POGLUT3: variants seen among roughly 807,000 people sequenced by gnomAD.
POGLUT3 encodes the protein KDEL (Lys-Asp-Glu-Leu) containing 2.
In POGLUT3, 48 loss-of-function variants were observed where a neutral mutation model predicts 54.3. That is an observed-to-expected ratio of 0.88 (90% CI 0.70 to 1.12). The LOEUF (loss-of-function observed/expected upper bound fraction) is 1.12. POGLUT3 is among the 50% of genes most tolerant of loss of function. The probability of loss-of-function intolerance (pLI) is 0.00; values close to 1 mark genes in which losing one functional copy is unlikely to be tolerated. For missense variants in POGLUT3, 629 were observed against 618.7 expected (o/e 1.02, Z -0.18); for synonymous variants, 218 against 237.4 (o/e 0.92, Z 0.75).
In POGLUT3 at chr11:108,482,104, G is replaced by A; in HGVS notation, c.803C>T (p.Ser268Leu). 6.2e-7 allele frequency: 1 copy of A among 1,614,100 alleles called. No individual in the cohort carries two copies. Among genetic ancestry groups the A allele is most frequent in the East Asian group, 2.2e-5 (1 of 44,886 alleles). ...ATACGTTGGAAGGACAACATCTCTT[G>A]AATCCAGAGAGCCACACCATGAAAT... ...PIISWCGSLDSRDVVLPTYDI... is the reference protein window; with the variant it reads ...PIISWCGSLDLRDVVLPTYDI... The change falls in exon 4 of 8, where the codon TCA becomes TTA. Residue 268 changes from serine (S) to leucine (L), a missense_variant. Physicochemically the swap from Ser to Leu is moderately radical, Grantham distance 145. Transcript: ENST00000323468.
chr11:108,493,271 GC>G (rs1453969300), intron 1 of POGLUT3, among the ~76,000 whole-genome samples: 8 of 152,060 alleles, frequency 5.3e-5, no homozygotes, highest in Non-Finnish European at 1.0e-4. Context: ...CTATAATATA[GC>G]CATTGGAAAT....
At chr11:108,486,579 G>C in intron 2 of POGLUT3, 139 bp from the exon 3 acceptor site, 2 of 816,776 alleles carry the variant, frequency 2.4e-6, no homozygotes, top group South Asian at 3.7e-5. Context: ...TGGTGTAAGT[G>C]ATTATGTTAG....
chr11:108,492,399 T>TA (rs2093614875), intron 1 of POGLUT3, among the ~76,000 whole-genome samples: 1 of 152,200 alleles, frequency 6.6e-6, no homozygotes, highest in South Asian at 2.1e-4. Context: ...AGGAAAATGC[T>TA]AAAAAAGTAA....
intron 4 of POGLUT3, 124 bp downstream of exon 4, chr11:108,481,882 A>T: frequency 1.4e-6 from 1 of 692,856 alleles, no homozygotes; most frequent in Non-Finnish European, 2.4e-6. Context: ...TTTAATCCCT[A>T]GGTTGGTCAG....
intron 6 of POGLUT3, 89 bp downstream of exon 6, chr11:108,479,212 A>T: frequency 1.2e-6 from 1 of 847,760 alleles, no homozygotes; most frequent in Non-Finnish European, 1.8e-6. Context: ...TCATTCCATT[A>T]TGTCAAATCA....
In POGLUT3 at chr11:108,486,263, A is replaced by G. The variant is rs758231223; in HGVS notation, c.578T>C (p.Ile193Thr). Reference protein sequence around the residue: ...PKRFGDERGAIVHYTILNNHV... With the variant: ...PKRFGDERGATVHYTILNNHV... ...GTTATTGAGAATCGTGTAATGAACA[A>G]TGGCACCTCTCTCATCCCCAAACCT... Residue 193 changes from isoleucine (I) to threonine (T), a missense_variant, in exon 3 of 8, where the codon ATT (isoleucine) becomes ACT (threonine). Ile to Thr is a moderately conservative substitution (Grantham distance 89). Coordinates refer to ENST00000323468, the MANE Select transcript of POGLUT3 (RefSeq NM_153705.5). The G allele has an allele frequency of 1.2e-5, 19 of 1,614,120 alleles. No individual in the cohort carries two copies. The highest frequency in any genetic ancestry group is 1.6e-5 in the Non-Finnish European group (19 of 1,179,994).
chr11:108,481,095 A>C (rs1211278865), intron 5 of POGLUT3, 85 bp downstream of exon 5: 2 of 995,000 alleles, frequency 2.0e-6, no homozygotes, highest in African/African-American at 3.3e-5. Context: ...AAGCCAGGTG[A>C]AATTTGCTGA....
At chr11:108,492,052 G>A (rs1332026202) in intron 1 of POGLUT3, among the ~76,000 whole-genome samples, 1 of 151,590 alleles carries the variant, frequency 6.6e-6, no homozygotes, top group African/African-American at 2.4e-5. Context: ...AGAGATTACA[G>A]CTAGTTACCA....
chr11:108,483,970 C>T (rs2093597745), intron 3 of POGLUT3, among the ~76,000 whole-genome samples: 1 of 152,038 alleles, frequency 6.6e-6, no homozygotes, highest in Non-Finnish European at 1.5e-5. Flanking sequence ...TGCCCAGCCT[C>T]CCTGCTATTA....
rs576551713 is a variant in POGLUT3 at position 108,478,391 on chromosome 11, G to T, written c.1294-680C>A. ...ACCCAGGAAGTACTCTTCAGCTTCC[G>T]CATCTGTCCCACCAGCCTATTTCCT... On this transcript the variant is annotated intron_variant, in intron 6 of 7. Transcript: ENST00000323468. Among the ~76,000 whole-genome samples the T allele has an allele frequency of 3.3e-5, 5 of 152,190 alleles. No homozygotes were observed. The South Asian group carries it at 1.0e-3, about 32-fold the overall frequency.
At chr11:108,479,229 A>T (rs2093587854) in intron 6 of POGLUT3, 72 bp downstream of exon 6, 2 of 984,288 alleles carry the variant, frequency 2.0e-6, no homozygotes, top group Non-Finnish European at 3.0e-6. Context: ...ATCAAATTGT[A>T]TTGTGATGGA....
intron 3 of POGLUT3, 147 bp from the exon 4 acceptor site, chr11:108,482,369 G>GC: frequency 1.6e-6 from 1 of 606,160 alleles, no homozygotes; most frequent in Non-Finnish European, 2.9e-6. Flanking sequence ...TCATTGACAG[G>GC]ATGGCTGTGA....
At position 108,474,872 on chromosome 11, in the gene POGLUT3, G is replaced by A. The variant is rs369996182; in HGVS notation, c.1479C>T (p.Ala493=). Residue 493 remains alanine, a synonymous_variant, in exon 8 of 8, where the codon GCC becomes GCT. Transcript: ENST00000323468. ...GCTTTTTCCTGTGGCACTGGCAGATGGCTGTGCTATCTTCTGGCTGAGGAA... is the reference window on the plus strand; with the variant it reads ...GCTTTTTCCTGTGGCACTGGCAGATAGCTGTGCTATCTTCTGGCTGAGGAA... The part of the protein sequence containing the change: ...ELVPQPEDST[A]ICQCHRKKPS... 3.7e-6 allele frequency: 6 copies of A among 1,613,948 alleles called. No individual in the cohort carries two copies. The highest frequency in any genetic ancestry group is 5.1e-6 in the Non-Finnish European group (6 of 1,179,954).
Position 108,491,045 on chromosome 11 carries a change from T to C in POGLUT3, c.325A>G (p.Thr109Ala). The change falls in exon 2 of 8, where the codon ACT becomes GCT. Residue 109 changes from threonine to alanine, a missense_variant. By Grantham distance (58) the Thr-to-Ala change is moderately conservative (BLOSUM62 0). Transcript: ENST00000323468. Reference sequence around the variant, plus strand: ...TCTATCTTCAGGCCTTCATCGACAGTTTCATACATCCTATATCTCATCAAA... The same window carrying C: ...TCTATCTTCAGGCCTTCATCGACAGCTTCATACATCCTATATCTCATCAAA... Reference protein sequence around the residue: ...TFLMRYRMYETVDEGLKIEVL... With the variant: ...TFLMRYRMYEAVDEGLKIEVL... The C allele has an allele frequency of 6.2e-7, 1 of 1,614,060 alleles. No individual in the cohort carries two copies. The highest frequency in any genetic ancestry group is 8.5e-7 in the Non-Finnish European group (1 of 1,179,940).
chr11:108,486,736 AC>A, intron 2 of POGLUT3: 1 of 321,980 alleles, frequency 3.1e-6, no homozygotes, highest in Non-Finnish European at 5.7e-6. Context: ...GAAACAACTT[AC>A]CTTTTAGCAA....
intron 2 of POGLUT3, among the ~76,000 whole-genome samples, 177 bp downstream of exon 2, chr11:108,490,793 T>A: frequency 6.6e-6 from 1 of 152,236 alleles, no homozygotes; most frequent in South Asian, 2.1e-4. Flanking sequence ...TTTTTTCTTA[T>A]CATTTAAATC....
chr11:108,494,703 A>T (rs1257923637), intron 1 of POGLUT3, among the ~76,000 whole-genome samples: 1 of 152,228 alleles, frequency 6.6e-6, no homozygotes, highest in Non-Finnish European at 1.5e-5. Flanking sequence ...GCCAGGAGGT[A>T]AGATTATTTT....
chr11:108,491,940 A>G (rs1262847439), intron 1 of POGLUT3, among the ~76,000 whole-genome samples: 3 of 152,184 alleles, frequency 2.0e-5, no homozygotes, highest in Non-Finnish European at 4.4e-5. Context: ...CTTTCTTTGT[A>G]TACCATTTCA....
chr11:108,474,736 G>A lies in POGLUT3; in HGVS notation c.*91C>T, dbSNP rs552489585. 5.5e-6 allele frequency: 8 copies of A among 1,445,350 alleles called. No homozygotes were observed. In the Admixed American group the frequency reaches 7.9e-5, roughly 14 times the overall value. The allele number at this position is 1,445,350 out of a possible 1,614,324, so 89.5% of individuals were successfully genotyped here. On this transcript the variant is annotated 3_prime_UTR_variant, in exon 8 of 8. Coordinates refer to ENST00000323468, the MANE Select transcript of POGLUT3 (RefSeq NM_153705.5). ...AGCCACCGGGAGAACTAGTCCACTT[G>A]GTGCAGTCTTCTATACTGTCCTTCA...
Sources: gnomAD v4.1 joint callset for allele counts (sites outside exome capture counted in the v4.1 genomes callset) on GRCh38, gnomAD v4.1.1 for gene constraint, MANE v1.5 for transcripts, NCBI Gene and HGNC (gene_info 2026-07-23, HGNC 2026-07-21) for gene names.